Variants in MARCHF3 observed in about 807,000 individuals in gnomAD.
MARCHF3 encodes the protein E3 ubiquitin-protein ligase MARCHF3.
A neutral mutation model predicts 24.2 loss-of-function variants in MARCHF3; 13 were observed. The ratio of observed to expected loss-of-function variants is 0.54; its 90% CI spans 0.35 to 0.85. The LOEUF (loss-of-function observed/expected upper bound fraction) is 0.85. MARCHF3 is among the 40% of genes least tolerant of loss of function. The pLI is 0.01. For synonymous variants in MARCHF3, 144 were observed against 137.3 expected (o/e 1.05, Z -0.34); for missense variants, 276 against 325.0 (o/e 0.85, Z 1.16).
intron 1 of MARCHF3, among the ~76,000 whole-genome samples, chr5:126,985,557 C>G (rs913890898): frequency 1.3e-5 from 2 of 151,784 alleles, no homozygotes; most frequent in African/African-American, 4.8e-5. Context: ...GCAACCTCCC[C>G]CTCTTGGGTT....
chr5:127,019,184 C>T (rs1250033110), intron 1 of MARCHF3, among the ~76,000 whole-genome samples: 1 of 152,120 alleles, frequency 6.6e-6, no homozygotes, highest in East Asian at 1.9e-4. Context: ...TTGGCACATT[C>T]CTCTGTCCTT....
At chr5:126,962,242 C>A (rs78947223) in intron 1 of MARCHF3, among the ~76,000 whole-genome samples, 5,629 of 151,332 alleles carry the variant, frequency 0.037, 277 homozygotes, top group East Asian at 0.21. Flanking sequence ...ATCTCTCTCT[C>A]TATATATATA....
intron 1 of MARCHF3, among the ~76,000 whole-genome samples, chr5:127,000,969 G>A (rs775634416): frequency 1.2e-4 from 18 of 152,154 alleles, no homozygotes; most frequent in Non-Finnish European, 2.2e-4. Context: ...GCCAGGTGTG[G>A]TGGCTCACGC....
At chr5:126,906,265 G>A (rs1173055919) in intron 3 of MARCHF3, among the ~76,000 whole-genome samples, 2 of 151,922 alleles carry the variant, frequency 1.3e-5, no homozygotes, top group Non-Finnish European at 2.9e-5. Context: ...AAGGATATTG[G>A]TCTAAAATTC....
intron 1 of MARCHF3, among the ~76,000 whole-genome samples, chr5:126,923,205 G>A (rs1353807153): frequency 6.6e-6 from 1 of 152,210 alleles, no homozygotes; most frequent in Non-Finnish European, 1.5e-5. Context: ...CTGCTATGAT[G>A]TTGGAGATAC....
chr5:126,981,729 T>C (rs2126836441), intron 1 of MARCHF3, among the ~76,000 whole-genome samples: 1 of 152,342 alleles, frequency 6.6e-6, no homozygotes, highest in African/African-American at 2.4e-5. Context: ...ACCTTTTTTC[T>C]TAAACAACAA....
intron 1 of MARCHF3, among the ~76,000 whole-genome samples, chr5:126,940,157 C>T (rs534197306): frequency 2.0e-5 from 3 of 152,240 alleles, no homozygotes; most frequent in East Asian, 1.9e-4. Context: ...TAGGGTGACT[C>T]GAATTTTTCA....
chr5:127,024,407 A>C (rs1473845483), intron 1 of MARCHF3, among the ~76,000 whole-genome samples: 2 of 152,164 alleles, frequency 1.3e-5, no homozygotes, highest in East Asian at 3.9e-4. Flanking sequence ...ACAAGATGAA[A>C]AGTGTGGTCC....
intron 3 of MARCHF3, among the ~76,000 whole-genome samples, chr5:126,908,615 G>T (rs1754390986): frequency 6.6e-6 from 1 of 151,840 alleles, no homozygotes. Flanking sequence ...GATCGCATCG[G>T]CTCCTGAGGC....
intron 1 of MARCHF3, among the ~76,000 whole-genome samples, chr5:126,944,760 T>C (rs752357150): frequency 6.6e-6 from 1 of 152,228 alleles, no homozygotes; most frequent in Non-Finnish European, 1.5e-5. Flanking sequence ...ACTTCACCTC[T>C]AGGACATCCA....
At chr5:126,956,690 A>C (rs1427583006) in intron 1 of MARCHF3, among the ~76,000 whole-genome samples, 6 of 151,246 alleles carry the variant, frequency 4.0e-5, no homozygotes, top group African/African-American at 1.2e-4. Context: ...ACAACAACAA[A>C]AACAAAAAAA....
intron 1 of MARCHF3, among the ~76,000 whole-genome samples, chr5:126,997,596 C>T (rs2126847958): frequency 6.6e-6 from 1 of 152,306 alleles, no homozygotes; most frequent in East Asian, 1.9e-4. Context: ...ACTGGGTCCT[C>T]AGGCCAGTCT....
chr5:126,985,234 A>C (rs571080751), intron 1 of MARCHF3, among the ~76,000 whole-genome samples: 15 of 152,290 alleles, frequency 9.8e-5, no homozygotes, highest in Non-Finnish European at 1.9e-4. Context: ...ACAGTGAGCC[A>C]GGATTTACAT....
At chr5:126,911,183 C>T (rs1050082740) in intron 3 of MARCHF3, among the ~76,000 whole-genome samples, 2 of 152,182 alleles carry the variant, frequency 1.3e-5, no homozygotes, top group African/African-American at 4.8e-5. Context: ...TTGCCCGGGT[C>T]CTGTGGTCCT....
intron 1 of MARCHF3, among the ~76,000 whole-genome samples, chr5:126,946,670 A>G (rs1750021234): frequency 6.6e-6 from 1 of 151,996 alleles, no homozygotes; most frequent in Admixed American, 6.6e-5. Flanking sequence ...GTAGGACTAT[A>G]GGCTTATCTG....
intron 1 of MARCHF3, among the ~76,000 whole-genome samples, chr5:126,918,533 T>G (rs1748988858): frequency 6.6e-6 from 1 of 152,226 alleles, no homozygotes; most frequent in South Asian, 2.1e-4. Flanking sequence ...GAAGAGAAGA[T>G]AAGCAGTTCC....
At chr5:126,970,475 T>G (rs1450879131) in intron 1 of MARCHF3, among the ~76,000 whole-genome samples, 1 of 140,224 alleles carries the variant, frequency 7.1e-6, no homozygotes, top group Non-Finnish European at 1.6e-5. Context: ...ACTTTTTTTC[T>G]TTTTTTTTTT....
intron 1 of MARCHF3, among the ~76,000 whole-genome samples, chr5:126,962,826 T>TGTGC (rs1750680963): frequency 1.3e-5 from 1 of 74,270 alleles, no homozygotes; most frequent in African/African-American, 5.6e-5. Flanking sequence ...TGTGTGTGTG[T>TGTGC]GTGTGTGCGT....
chr5:127,027,068 T>C (rs999834150), intron 1 of MARCHF3, among the ~76,000 whole-genome samples: 1 of 152,174 alleles, frequency 6.6e-6, no homozygotes, highest in African/African-American at 2.4e-5. Context: ...CAGTCTGAAA[T>C]GGGAGAACAG....
Sources: gnomAD v4.1 joint callset for allele counts (sites outside exome capture counted in the v4.1 genomes callset) on GRCh38, gnomAD v4.1.1 for gene constraint, MANE v1.5 for transcripts, NCBI Gene and HGNC (gene_info 2026-07-23, HGNC 2026-07-21) for gene names.